PRDM4: variants seen among roughly 807,000 people sequenced by gnomAD.
PRDM4 encodes PR domain zinc finger protein 4.
In PRDM4, 38 loss-of-function variants were observed where a neutral mutation model predicts 62.3. The observed-to-expected ratio is 0.61, with a 90% CI of 0.47 to 0.80. The LOEUF (loss-of-function observed/expected upper bound fraction) is 0.80. Among genes scored for constraint, PRDM4 ranks in the 30% least tolerant of loss-of-function variants. The pLI is 0.00. For missense variants in PRDM4, 858 were observed against 997.1 expected (o/e 0.86, Z 1.88); for synonymous variants, 339 against 348.2 (o/e 0.97, Z 0.30).
rs147936410 is a variant in PRDM4 at position 107,734,237 on chromosome 12, C to T, written c.2379G>A (p.Ala793=). 72 of 1,605,522 alleles carry T rather than the reference C, an allele frequency of 4.5e-5. No individual in the cohort carries two copies. The African/African-American group carries it at 4.7e-4, about 10-fold the overall frequency. The change falls in exon 12 of 12, where the codon GCG becomes GCA. Residue 793 remains alanine (A), a synonymous_variant. Coordinates refer to ENST00000228437, the MANE Select transcript of PRDM4 (RefSeq NM_012406.4). The stretch of plus-strand genomic sequence containing the variant: ...ATTTATGTGCAGAAAGAGACTCATC[C>T]GCTGAATACACAGCACTGTTAATCC... ...DCRINSAVYS[A]DESLSAHK
chr12:107,742,567 A>G (rs1890551507), intron 8 of PRDM4: 1 of 541,262 alleles, frequency 1.8e-6, no homozygotes, highest in Non-Finnish European at 3.2e-6. Context: ...TTGTAGTCAA[A>G]AACACTACAG....
intron 2 of PRDM4, among the ~76,000 whole-genome samples, chr12:107,757,314 T>C (rs1350565581): frequency 6.6e-6 from 1 of 152,222 alleles, no homozygotes; most frequent in Admixed American, 6.5e-5. Context: ...TCATCTTTTA[T>C]AATATTTATT....
Position 107,746,271 on chromosome 12 carries a change from T to C in PRDM4, c.1276+4A>G. 1 of 1,613,830 alleles carries C rather than the reference T, an allele frequency of 6.2e-7. No homozygotes were observed. Among genetic ancestry groups the C allele is most frequent in the Non-Finnish European group, 8.5e-7 (1 of 1,179,866 alleles). On this transcript the variant is annotated splice_donor_region_variant and intron_variant, in intron 6 of 11. Transcript: ENST00000228437. ...ATAGTGTTTTACAGTTCCAAGGTTC[T>C]TACCAACTTCTGCTCCCACAATTGA...
At position 107,734,016 on chromosome 12, in the gene PRDM4, GT is replaced by G; in HGVS notation, c.*193del. 1 of 587,288 alleles carries G rather than the reference GT, an allele frequency of 1.7e-6. No individual in the cohort carries two copies. The highest frequency in any genetic ancestry group is 3.0e-5 in the East Asian group (1 of 33,392). The allele number at this position is 587,288 out of a possible 1,614,324, so 36.4% of individuals were successfully genotyped here. A position where few individuals can be genotyped will look rare whatever the true frequency, so the allele number is the denominator to read the frequency against. Reference sequence around the variant, plus strand: ...CCACTTAAAACAGGACACATGCTCAGTTTTCCCAATCTGTTTTAAAGTGTTT... The same window carrying G: ...CCACTTAAAACAGGACACATGCTCAGTTTCCCAATCTGTTTTAAAGTGTTT... On this transcript the variant is annotated 3_prime_UTR_variant, in exon 12 of 12. Transcript: ENST00000228437.
At chr12:107,736,624 G>A (rs550966682) in intron 11 of PRDM4, 1 of 152,418 alleles carries the variant, frequency 6.6e-6, no homozygotes, top group South Asian at 2.1e-4. Context: ...AGAGATGTAT[G>A]AGTGGAGACA....
intron 3 of PRDM4, among the ~76,000 whole-genome samples, chr12:107,754,342 A>ATT (rs1890997084): frequency 6.6e-6 from 1 of 152,188 alleles, no homozygotes; most frequent in African/African-American, 2.4e-5. Flanking sequence ...TGATACTCCA[A>ATT]TTGTCTGTAT....
chr12:107,749,210 T>C (rs868672478), intron 5 of PRDM4, among the ~76,000 whole-genome samples: 24 of 152,124 alleles, frequency 1.6e-4, no homozygotes, highest in African/African-American at 5.8e-4. Context: ...TCTTAAATAT[T>C]TCCAGACAGA....
intron 10 of PRDM4, 103 bp downstream of exon 10, chr12:107,740,843 G>T: frequency 8.2e-7 from 1 of 1,215,508 alleles, no homozygotes; most frequent in Non-Finnish European, 1.1e-6. Context: ...TTCTTTCTCT[G>T]ACATCAAATC....
In PRDM4 at chr12:107,752,173, T is replaced by C. The variant is rs1325340882; in HGVS notation, c.368A>G (p.Gln123Arg). 1.3e-6 allele frequency: 2 copies of C among 1,596,126 alleles called. No homozygotes were observed. Among genetic ancestry groups the C allele is most frequent in the South Asian group, 2.2e-5 (2 of 90,710 alleles). Residue 123 changes from glutamine to arginine, a missense_variant, in exon 5 of 12, where the codon CAG becomes CGG. By Grantham distance (43) the Gln-to-Arg change is conservative (BLOSUM62 1). Coordinates refer to ENST00000228437, the MANE Select transcript of PRDM4 (RefSeq NM_012406.4). The stretch of plus-strand genomic sequence containing the variant: ...ATTTATAGAGTTAGGGTGGATGTAC[T>C]GTGGAGGTGGTCTGTCAGCTAAATA... ...LSYLADRPPP[Q>R]YIHPNSINVD...
intron 5 of PRDM4, among the ~76,000 whole-genome samples, chr12:107,750,098 A>G (rs1890841986): frequency 1.3e-5 from 2 of 152,136 alleles, no homozygotes; most frequent in South Asian, 4.1e-4. Context: ...TTTAGTACCA[A>G]TGCACTTCAC....
intron 2 of PRDM4, among the ~76,000 whole-genome samples, chr12:107,757,727 T>C (rs1891106249): frequency 6.8e-6 from 1 of 147,960 alleles, no homozygotes; most frequent in Admixed American, 6.6e-5. Flanking sequence ...AAACTTTTTT[T>C]TAACTGCACC....
intron 2 of PRDM4, among the ~76,000 whole-genome samples, chr12:107,757,452 C>CAT (rs534883889): frequency 1.0e-3 from 158 of 152,228 alleles, no homozygotes; most frequent in African/African-American, 3.7e-3. Context: ...ATGTGAAAAG[C>CAT]ATCGTATTTT....
At position 107,739,350 on chromosome 12, in the gene PRDM4, G is replaced by A. The variant is rs369100606; in HGVS notation, c.2093+33C>T. 1.7e-3 allele frequency: 2,804 copies of A among 1,602,616 alleles called. 64 individuals carry two copies. In the South Asian group the frequency reaches 0.03, roughly 17 times the overall value. On this transcript the variant is annotated intron_variant, in intron 11 of 11. Transcript: ENST00000228437. Reference sequence around the variant, plus strand: ...GCAGCCACACAAAGGCTCACCACCTGAGGAACGACGTCTTGGCTGCAGGGT... The same window carrying A: ...GCAGCCACACAAAGGCTCACCACCTAAGGAACGACGTCTTGGCTGCAGGGT...
At chr12:107,736,221 A>G (rs905752722) in intron 11 of PRDM4, among the ~76,000 whole-genome samples, 1 of 152,232 alleles carries the variant, frequency 6.6e-6, no homozygotes, top group African/African-American at 2.4e-5. Flanking sequence ...TTACATTCTA[A>G]GTGGACAGAT....
intron 7 of PRDM4, among the ~76,000 whole-genome samples, chr12:107,743,767 A>T (rs941453934): frequency 6.6e-6 from 1 of 152,234 alleles, no homozygotes; most frequent in African/African-American, 2.4e-5. Flanking sequence ...CGCAAGCATC[A>T]TTCCCAATAG....
At chr12:107,739,591 C>A in intron 10 of PRDM4, 40 bp from the exon 11 acceptor site, 1 of 1,584,152 alleles carries the variant, frequency 6.3e-7, no homozygotes, top group South Asian at 1.2e-5. Context: ...AAGAAAACAA[C>A]TGCTGGCATC....
At chr12:107,744,475 T>C in intron 7 of PRDM4, 68 bp downstream of exon 7, 1 of 1,552,758 alleles carries the variant, frequency 6.4e-7, no homozygotes, top group South Asian at 1.2e-5. Flanking sequence ...GACTTTATCA[T>C]AACTTTTTAA....
chr12:107,738,568 G>A (rs1890408884), intron 11 of PRDM4: 1 of 152,142 alleles, frequency 6.6e-6, no homozygotes, highest in African/African-American at 2.4e-5. Context: ...AAAAGCTAAG[G>A]ACAACAAAAT....
In PRDM4 at chr12:107,738,878, AACACACACACACAC is replaced by A. The variant is rs111582421; in HGVS notation, c.2093+491_2093+504del. Among the ~76,000 whole-genome samples, 559 of 146,992 alleles carry A rather than the reference AACACACACACACAC, an allele frequency of 3.8e-3. 3 individuals carry two copies. The highest frequency in any genetic ancestry group is 0.013 in the African/African-American group (503 of 39,918). On this transcript the variant is annotated intron_variant, in intron 11 of 11. Coordinates refer to ENST00000228437, the MANE Select transcript of PRDM4 (RefSeq NM_012406.4). Reference sequence around the variant, plus strand: ...TTTTTTTTTAACTGCAATTCAGACAAACACACACACACACACACACACACACACACACACACCAA... The same window carrying A: ...TTTTTTTTTAACTGCAATTCAGACAAACACACACACACACACACACACCAA...
Sources: allele counts gnomAD v4.1 joint callset (sites outside exome capture counted in the v4.1 genomes callset), GRCh38; gene constraint gnomAD v4.1.1; transcripts MANE v1.5; gene names NCBI Gene and HGNC (gene_info 2026-07-23, HGNC 2026-07-21).